The following CNOT6 variants were observed in gnomAD, a reference collection of about 807,000 sequenced individuals.
CNOT6 encodes the protein CCR4-NOT transcription complex subunit 6, also known as carbon catabolite repression 4 protein.
A neutral mutation model predicts 61.2 loss-of-function variants in CNOT6; 12 were observed. The observed-to-expected ratio is 0.20, with a 90% CI of 0.13 to 0.32. The LOEUF is 0.32. Ranked by LOEUF, CNOT6 falls within the 10% of genes least tolerant of loss-of-function variation. CNOT6 has a pLI of 1.00. For synonymous variants in CNOT6, 225 were observed against 240.6 expected (o/e 0.94, Z 0.60); for missense variants, 405 against 663.9 (o/e 0.61, Z 4.28).
chr5:180,508,372 C>T (rs1217414368), intron 1 of CNOT6, among the ~76,000 whole-genome samples: 5 of 152,142 alleles, frequency 3.3e-5, no homozygotes, highest in South Asian at 2.1e-4. Context: ...AGTGCAGTGA[C>T]GCAATCTTGG....
At chr5:180,543,173 C>G (rs1759131609) in intron 2 of CNOT6, among the ~76,000 whole-genome samples, 1 of 152,180 alleles carries the variant, frequency 6.6e-6, no homozygotes, top group Admixed American at 6.5e-5. Flanking sequence ...ATTCTCCTGC[C>G]TCAGCCTCCC....
chr5:180,508,882 G>A (rs1226298179), intron 1 of CNOT6, among the ~76,000 whole-genome samples: 1 of 150,992 alleles, frequency 6.6e-6, no homozygotes, highest in East Asian at 1.9e-4. Flanking sequence ...GAGTGCAGTG[G>A]CGTGATCCTG....
chr5:180,509,257 A>G (rs190529670), intron 1 of CNOT6, among the ~76,000 whole-genome samples: 262 of 152,214 alleles, frequency 1.7e-3, no homozygotes, highest in African/African-American at 5.6e-3. Flanking sequence ...TCAGGCTCCC[A>G]AGTAGCTGGA....
chr5:180,507,670 G>A (rs1242795244), intron 1 of CNOT6, among the ~76,000 whole-genome samples: 3 of 152,112 alleles, frequency 2.0e-5, no homozygotes, highest in East Asian at 1.9e-4. Flanking sequence ...CACTTTGGAC[G>A]GTATATTTAG....
chr5:180,517,842 G>A (rs965812734), intron 1 of CNOT6, among the ~76,000 whole-genome samples: 3 of 152,166 alleles, frequency 2.0e-5, no homozygotes, highest in Non-Finnish European at 2.9e-5. Flanking sequence ...GCGCCTGGCC[G>A]AGTAGACCTT....
chr5:180,553,676 G>A (rs953286976), intron 4 of CNOT6, among the ~76,000 whole-genome samples: 9 of 150,966 alleles, frequency 6.0e-5, no homozygotes, highest in South Asian at 4.2e-4. Flanking sequence ...TTTTTGCTCC[G>A]GACCCAGCCC....
At chr5:180,566,097 GTTA>G in intron 7 of CNOT6, 120 bp downstream of exon 7, 1 of 915,586 alleles carries the variant, frequency 1.1e-6, no homozygotes. Flanking sequence ...GCTTTTTTCT[GTTA>G]TTAGTGAATC....
rs778202219 is a variant in CNOT6 at position 180,565,932 on chromosome 5, T to C, written c.672T>C (p.Ile224=). 2.5e-6 allele frequency: 4 copies of C among 1,613,904 alleles called. No homozygotes were observed. The South Asian group carries it at 3.3e-5, about 13-fold the overall frequency. ...ACTGGGACTACAGGAAAAAGGCCAT[T>C]ATTCAAGAAATCTTGAGCTGCAATG... ...ALNWDYRKKA[I]IQEILSCNAD... is the part of the protein sequence containing the mutation. The change falls in exon 7 of 12, where the codon ATT becomes ATC. Residue 224 remains isoleucine, a synonymous_variant. Transcript: ENST00000261951.
At chr5:180,557,065 A>G (rs1759935789) in intron 4 of CNOT6, among the ~76,000 whole-genome samples, 1 of 152,056 alleles carries the variant, frequency 6.6e-6, no homozygotes, top group African/African-American at 2.4e-5. Context: ...GGTTGCATGT[A>G]TTGATAGTTT....
intron 1 of CNOT6, among the ~76,000 whole-genome samples, chr5:180,510,080 G>A (rs1757315530): frequency 1.4e-5 from 2 of 139,676 alleles, no homozygotes; most frequent in African/African-American, 5.3e-5. Context: ...AAAGACTAAT[G>A]ATAGACATTT....
At chr5:180,504,112 A>G (rs967683722) in intron 1 of CNOT6, among the ~76,000 whole-genome samples, 3 of 152,220 alleles carry the variant, frequency 2.0e-5, no homozygotes, top group Non-Finnish European at 4.4e-5. Flanking sequence ...AAACCTCCCA[A>G]GAGTCCACAT....
At chr5:180,555,525 A>T (rs1759838454) in intron 4 of CNOT6, among the ~76,000 whole-genome samples, 1 of 152,186 alleles carries the variant, frequency 6.6e-6, no homozygotes, top group Admixed American at 6.5e-5. Flanking sequence ...ACAGCATTAC[A>T]CATCTGTAAT....
At chr5:180,545,951 A>G (rs1374431099) in intron 2 of CNOT6, among the ~76,000 whole-genome samples, 3 of 152,138 alleles carry the variant, frequency 2.0e-5, no homozygotes, top group Non-Finnish European at 2.9e-5. Context: ...ATTATTTGCC[A>G]TCTGTTTATA....
intron 2 of CNOT6, among the ~76,000 whole-genome samples, chr5:180,542,468 T>G (rs1759098055): frequency 6.6e-6 from 1 of 152,186 alleles, no homozygotes; most frequent in Admixed American, 6.5e-5. Flanking sequence ...TTTCACCATG[T>G]TGACCAGGCT....
intron 1 of CNOT6, 108 bp downstream of exon 1, chr5:180,494,871 G>A (rs936707950): frequency 3.3e-5 from 5 of 152,026 alleles, no homozygotes; most frequent in African/African-American, 4.8e-5. Context: ...TTCGTTTCGT[G>A]GGCGGCGGTC....
chr5:180,516,950 C>T (rs1317249713), intron 1 of CNOT6, among the ~76,000 whole-genome samples: 2 of 152,162 alleles, frequency 1.3e-5, no homozygotes, highest in East Asian at 1.9e-4. Context: ...TACTGCACCA[C>T]ATCAAGAGAC....
intron 9 of CNOT6, 34 bp downstream of exon 9, chr5:180,568,037 G>C (rs1311385160): frequency 6.4e-7 from 1 of 1,558,560 alleles, no homozygotes; most frequent in Admixed American, 1.9e-5. Flanking sequence ...AAATTGACCA[G>C]CTCTGACTAG....
chr5:180,555,373 A>C (rs900563415), intron 4 of CNOT6, among the ~76,000 whole-genome samples: 8 of 152,210 alleles, frequency 5.3e-5, no homozygotes, highest in African/African-American at 1.9e-4. Flanking sequence ...GCAGTAGGGC[A>C]GTTCTTTATG....
chr5:180,574,618 T>G lies in CNOT6; in HGVS notation c.*418T>G, dbSNP rs1760927059. The stretch of plus-strand genomic sequence containing the variant: ...TTACTCCCTCCTTTTTCAGACTTGT[T>G]TGTAAAGTACAGAATCTGAATTTAG... On this transcript the variant is annotated 3_prime_UTR_variant, in exon 12 of 12. Coordinates refer to ENST00000261951, the MANE Select transcript of CNOT6 (RefSeq NM_001370472.1). The G allele has an allele frequency of 5.0e-6, 1 of 201,418 alleles. No homozygotes were observed. The highest frequency in any genetic ancestry group is 1.0e-5 in the Non-Finnish European group (1 of 98,050). The allele number at this position is 201,418 out of a possible 1,614,324, so 12.5% of individuals were successfully genotyped here. A position where few individuals can be genotyped will look rare whatever the true frequency, so the allele number is the denominator to read the frequency against.
Sources: gnomAD v4.1 joint callset for allele counts (sites outside exome capture counted in the v4.1 genomes callset) on GRCh38, gnomAD v4.1.1 for gene constraint, MANE v1.5 for transcripts, NCBI Gene and HGNC (gene_info 2026-07-23, HGNC 2026-07-21) for gene names.